Variants in DGCR2 observed in about 807,000 individuals in gnomAD.
DGCR2 encodes the protein integral membrane protein DGCR2/IDD.
Under a neutral mutation model 51.6 loss-of-function variants are expected in DGCR2, and 24 were observed. The observed-to-expected ratio is 0.47, with a 90% confidence interval of 0.34 to 0.65. DGCR2 has a LOEUF of 0.65. Among genes scored for constraint, DGCR2 ranks in the 30% least tolerant of loss-of-function variants. DGCR2 has a pLI of 0.01. For synonymous variants in DGCR2, 340 were observed against 315.4 expected (o/e 1.08, Z -0.82); for missense variants, 765 against 772.1 (o/e 0.99, Z 0.11).
At chr22:19,084,003 G>A (rs1468532322) in intron 2 of DGCR2, among the ~76,000 whole-genome samples, 3 of 152,150 alleles carry the variant, frequency 2.0e-5, no homozygotes, top group Non-Finnish European at 2.9e-5. Flanking sequence ...ATTGCAGACG[G>A]AGTCTCGTTC....
At chr22:19,069,181 G>C (rs1190231128) in intron 2 of DGCR2, among the ~76,000 whole-genome samples, 1 of 152,256 alleles carries the variant, frequency 6.6e-6, no homozygotes, top group African/African-American at 2.4e-5. Flanking sequence ...ACGCCTGCCA[G>C]CAAGTGCACT....
At chr22:19,039,357 G>A (rs551444237) in intron 9 of DGCR2, among the ~76,000 whole-genome samples, 1 of 152,326 alleles carries the variant, frequency 6.6e-6, no homozygotes, top group Admixed American at 6.5e-5. Flanking sequence ...TATGCAAGGT[G>A]CAGGGCCCAT....
chr22:19,055,759 GCTC>G (rs2082593869), intron 6 of DGCR2: 1 of 152,354 alleles, frequency 6.6e-6, no homozygotes. Flanking sequence ...TTATCATGAA[GCTC>G]TCTCTGTTGC....
chr22:19,055,566 G>T (rs992141599), intron 6 of DGCR2, among the ~76,000 whole-genome samples: 1 of 151,130 alleles, frequency 6.6e-6, no homozygotes, highest in African/African-American at 2.4e-5. Flanking sequence ...ATAAATAAAT[G>T]TCAAAGATTT....
At chr22:19,058,100 C>T (rs1304342117) in intron 5 of DGCR2, among the ~76,000 whole-genome samples, 1 of 149,834 alleles carries the variant, frequency 6.7e-6, no homozygotes, top group Non-Finnish European at 1.5e-5. Context: ...AGCATTCTCA[C>T]CTGCGTCTTT....
intron 1 of DGCR2, among the ~76,000 whole-genome samples, chr22:19,097,516 C>A (rs1209703809): frequency 6.6e-6 from 1 of 152,086 alleles, no homozygotes; most frequent in Non-Finnish European, 1.5e-5. Context: ...TGCACCACTG[C>A]ACTCCAGCCT....
intron 2 of DGCR2, among the ~76,000 whole-genome samples, chr22:19,081,434 G>A (rs2082935517): frequency 6.6e-6 from 1 of 152,186 alleles, no homozygotes; most frequent in African/African-American, 2.4e-5. Context: ...GCTTTTAGCT[G>A]ACGTTCTGTT....
chr22:19,048,228 G>A lies in DGCR2; in HGVS notation c.1006+212C>T, dbSNP rs1466991361. 8.3e-6 allele frequency: 5 copies of A among 600,422 alleles called. No individual in the cohort carries two copies. The African/African-American group carries it at 9.3e-5, about 11-fold the overall frequency. The allele number at this position is 600,422 out of a possible 1,614,324, so 37.2% of individuals were successfully genotyped here. Reference sequence around the variant, plus strand: ...GAATGCTGCCTGTCACCCCAGAATGGGAAGGAGGCAGCTGGAGGGGTCGTG... The same window carrying A: ...GAATGCTGCCTGTCACCCCAGAATGAGAAGGAGGCAGCTGGAGGGGTCGTG... On this transcript the variant is annotated intron_variant, in intron 7 of 9. Transcript: ENST00000263196.
At chr22:19,050,547 C>A (rs1200758838) in intron 6 of DGCR2, among the ~76,000 whole-genome samples, 1 of 152,318 alleles carries the variant, frequency 6.6e-6, no homozygotes, top group East Asian at 1.9e-4. Context: ...TAAAGGCAAT[C>A]GTGATTATAA....
intron 1 of DGCR2, among the ~76,000 whole-genome samples, chr22:19,117,923 G>T (rs531286679): frequency 6.6e-6 from 1 of 152,190 alleles, no homozygotes; most frequent in African/African-American, 2.4e-5. Context: ...TGGCTACAGA[G>T]GAAAGCACTC....
chr22:19,084,690 C>G (rs1444163067), intron 2 of DGCR2, among the ~76,000 whole-genome samples: 1 of 112,242 alleles, frequency 8.9e-6, no homozygotes, highest in Non-Finnish European at 2.1e-5. Context: ...CCCGCCCGGC[C>G]AGCTGCCCCG....
chr22:19,070,177 C>T (rs749091290), intron 2 of DGCR2, among the ~76,000 whole-genome samples: 8 of 152,152 alleles, frequency 5.3e-5, no homozygotes, highest in Non-Finnish European at 1.0e-4. Context: ...CCCACAGACT[C>T]GCTGGTAGCT....
chr22:19,069,145 T>C (rs1225948796), intron 2 of DGCR2, among the ~76,000 whole-genome samples: 1 of 152,184 alleles, frequency 6.6e-6, no homozygotes, highest in Non-Finnish European at 1.5e-5. Context: ...GAAACAAACT[T>C]GGTCTGCAAG....
chr22:19,062,144 T>C (rs17810739), intron 5 of DGCR2, among the ~76,000 whole-genome samples: 23,670 of 152,266 alleles, frequency 0.16, 2,057 homozygotes, highest in South Asian at 0.27. Flanking sequence ...CCAGAAGCCA[T>C]TGATTAGTCA....
At chr22:19,085,204 A>T (rs1296930934) in intron 2 of DGCR2, among the ~76,000 whole-genome samples, 1 of 152,180 alleles carries the variant, frequency 6.6e-6, no homozygotes, top group African/African-American at 2.4e-5. Flanking sequence ...AGGTGCTTTC[A>T]AAACAACTGG....
chr22:19,059,883 C>T (rs143960218), intron 5 of DGCR2, among the ~76,000 whole-genome samples: 9 of 152,164 alleles, frequency 5.9e-5, no homozygotes, highest in Admixed American at 3.3e-4. Context: ...CCTGGAGAAC[C>T]CTCCCCGGCC....
intron 8 of DGCR2, 76 bp from the exon 9 acceptor site, chr22:19,041,370 CCCCCAGGCTGGG>C: frequency 6.9e-7 from 1 of 1,456,224 alleles, no homozygotes; most frequent in Non-Finnish European, 9.5e-7. Context: ...GAGCCCCCCA[CCCCCAGGCTGGG>C]CCTGCCGTCC....
intron 2 of DGCR2, among the ~76,000 whole-genome samples, chr22:19,069,593 T>C (rs1340487236): frequency 6.6e-6 from 1 of 152,252 alleles, no homozygotes; most frequent in Non-Finnish European, 1.5e-5. Context: ...CTTAAGACTA[T>C]AAACAGCTTT....
chr22:19,088,090 C>G (rs900563790), intron 2 of DGCR2, among the ~76,000 whole-genome samples: 6 of 152,138 alleles, frequency 3.9e-5, no homozygotes, highest in African/African-American at 1.4e-4. Context: ...TCACCTAATC[C>G]CCTACCTAAT....
Sources: allele counts gnomAD v4.1 joint callset (sites outside exome capture counted in the v4.1 genomes callset), GRCh38; gene constraint gnomAD v4.1.1; transcripts MANE v1.5; gene names NCBI Gene and HGNC (gene_info 2026-07-23, HGNC 2026-07-21).